DIPK2B: variants seen among roughly 807,000 people sequenced by gnomAD.
DIPK2B encodes the protein divergent protein kinase domain 2B, also known as UPF0672 protein CXorf36.
A neutral mutation model predicts 22.2 loss-of-function variants in DIPK2B; 15 were observed. The observed-to-expected ratio is 0.68, with a 90% CI of 0.45 to 1.04. The LOEUF is 1.04. DIPK2B is among the 50% of genes least tolerant of loss of function. DIPK2B has a pLI of 0.00. For missense variants in DIPK2B, 345 were observed against 348.3 expected (o/e 0.99, Z 0.08); for synonymous variants, 163 against 153.2 (o/e 1.06, Z -0.47).
intron 2 of DIPK2B, among the ~76,000 whole-genome samples, chrX:45,169,079 T>C (rs2047065401): frequency 8.9e-6 from 1 of 111,826 alleles, no homozygotes; most frequent in Admixed American, 9.5e-5. Flanking sequence ...AGGACTCATG[T>C]TCTGAGCCAG....
At position 45,153,934 on chromosome X, in the gene DIPK2B, C is replaced by G; in HGVS notation, c.937G>C (p.Val313Leu). The change falls in exon 4 of 5, where the codon GTG (valine) becomes CTG (leucine). Residue 313 changes from valine to leucine, a missense_variant. Physicochemically the swap from Val to Leu is conservative, Grantham distance 32. Coordinates refer to ENST00000398000, the MANE Select transcript of DIPK2B (RefSeq NM_176819.4). ...GHLFIRDASA[V>L]GVIDKQEGSQ... is the part of the protein sequence containing the mutation. Reference sequence around the variant, plus strand: ...CCTTCCTGCTTGTCGATGACGCCCACTGCACTGGCATCCCGGATGAACAGA... The same window carrying G: ...CCTTCCTGCTTGTCGATGACGCCCAGTGCACTGGCATCCCGGATGAACAGA... 3 of 1,210,587 alleles carry G rather than the reference C, an allele frequency of 2.5e-6. No homozygotes were observed. The highest frequency in any genetic ancestry group is 3.4e-6 in the Non-Finnish European group (3 of 894,911).
intron 2 of DIPK2B, among the ~76,000 whole-genome samples, chrX:45,180,076 A>AC (rs2047141470): frequency 1.8e-5 from 2 of 111,606 alleles, no homozygotes; most frequent in South Asian, 7.4e-4. Context: ...TGATGGAATA[A>AC]CTCAGTGTTG....
intron 2 of DIPK2B, among the ~76,000 whole-genome samples, chrX:45,166,258 C>T (rs1015423442): frequency 2.7e-5 from 3 of 111,324 alleles, no homozygotes; most frequent in African/African-American, 9.8e-5. Flanking sequence ...AGGGCTGCTT[C>T]GGGTCTTAAA....
Position 45,154,069 on chromosome X carries a change from C to T in DIPK2B, c.802G>A (p.Ala268Thr). Residue 268 changes from alanine (A) to threonine (T), a missense_variant, in exon 4 of 5, where the codon GCC becomes ACC. By Grantham distance (58) the Ala-to-Thr change is moderately conservative. Transcript: ENST00000398000. ...DAPPDQAADL[A>T]YQLLGVLESL... ...TCCAGGACACCCAGGAGCTGGTAGG[C>T]AAGGTCGGCTGCCTGATCTGGGGGT... 3.3e-6 allele frequency: 4 copies of T among 1,211,394 alleles called. No individual in the cohort carries two copies. The highest frequency in any genetic ancestry group is 4.5e-6 in the Non-Finnish European group (4 of 895,417).
chrX:45,151,934 G>A lies in DIPK2B; in HGVS notation c.1020C>T (p.Ser340=), dbSNP rs752948825. Residue 340 remains serine, a synonymous_variant, in exon 5 of 5, where the codon TCC becomes TCT. Coordinates refer to ENST00000398000, the MANE Select transcript of DIPK2B (RefSeq NM_176819.4). ...AGGAGGGCAGCTGGGCCTGGCAGCC[G>A]GAAACCAGGCAGCTAAAAATGTCTT... is the stretch of plus-strand genomic sequence containing the variant. ...ENKDIFSCLV[S]GCQAQLPSCE... is the part of the protein sequence containing the mutation. The A allele has an allele frequency of 4.3e-5, 51 of 1,199,147 alleles. No homozygotes were observed. Among genetic ancestry groups the A allele is most frequent in the Middle Eastern group, 4.6e-4 (2 of 4,360 alleles).
chrX:45,192,096 T>C (rs2047214820), intron 1 of DIPK2B, 81 bp from the exon 2 acceptor site: 1 of 941,833 alleles, frequency 1.1e-6, no homozygotes, highest in Non-Finnish European at 1.4e-6. Flanking sequence ...CAGGGGACAA[T>C]AGCCCAACTG....
chrX:45,181,921 A>G (rs1163889552), intron 2 of DIPK2B, among the ~76,000 whole-genome samples: 3 of 111,220 alleles, frequency 2.7e-5, no homozygotes, highest in Non-Finnish European at 5.7e-5. Context: ...GTCTCTACAA[A>G]AAAATAAAAG....
chrX:45,191,722 C>T (rs760485757), intron 2 of DIPK2B, 29 bp downstream of exon 2: 8 of 1,193,348 alleles, frequency 6.7e-6, no homozygotes, highest in Non-Finnish European at 9.0e-6. Flanking sequence ...ATCCCCTTCA[C>T]ACCCCCTTCC....
chrX:45,176,362 G>T (rs776841762), intron 2 of DIPK2B, among the ~76,000 whole-genome samples: 1 of 111,866 alleles, frequency 8.9e-6, no homozygotes, highest in Non-Finnish European at 1.9e-5. Context: ...AGGATGAAAA[G>T]AAAGCATCAA....
chrX:45,149,518 A>G lies in DIPK2B; in HGVS notation c.*2134T>C, dbSNP rs1353085699. The G allele has an allele frequency of 1.8e-5, 2 of 113,248 alleles. No homozygotes were observed. Among genetic ancestry groups the G allele is most frequent in the African/African-American group, 6.4e-5 (2 of 31,043 alleles). The allele number at this position is 113,248 out of a possible 1,213,427, so 9.3% of individuals were successfully genotyped here. On this transcript the variant is annotated 3_prime_UTR_variant, in exon 5 of 5. Coordinates refer to ENST00000398000, the MANE Select transcript of DIPK2B (RefSeq NM_176819.4). ...AATGCCCGTAGCAGTCAAGAGACAAACCCAAAAGGGAACTAGGTACTCCAC... is the reference window on the plus strand; with the variant it reads ...AATGCCCGTAGCAGTCAAGAGACAAGCCCAAAAGGGAACTAGGTACTCCAC...
At chrX:45,188,079 C>T (rs934595209) in intron 2 of DIPK2B, among the ~76,000 whole-genome samples, 9 of 111,874 alleles carry the variant, frequency 8.0e-5, no homozygotes, top group African/African-American at 2.6e-4. Flanking sequence ...AATCTCCCAA[C>T]CACGCATCCT....
intron 2 of DIPK2B, among the ~76,000 whole-genome samples, chrX:45,166,679 A>C (rs925467678): frequency 8.9e-6 from 1 of 112,172 alleles, no homozygotes; most frequent in African/African-American, 3.2e-5. Context: ...CAAAAGACAA[A>C]GATTTGCCAC....
chrX:45,182,144 A>C (rs1436863275), intron 2 of DIPK2B, among the ~76,000 whole-genome samples: 3 of 111,079 alleles, frequency 2.7e-5, no homozygotes, highest in Non-Finnish European at 5.7e-5. Context: ...TATTTGTAAT[A>C]CACAGCTCAC....
In DIPK2B at chrX:45,191,883, G is replaced by A. The variant is rs779902848; in HGVS notation, c.366C>T (p.Asn122=). The A allele has an allele frequency of 9.3e-5, 112 of 1,210,493 alleles. No homozygotes were observed. The highest frequency in any genetic ancestry group is 1.2e-4 in the Non-Finnish European group (105 of 895,350). The change falls in exon 2 of 5, where the codon AAC becomes AAT. Residue 122 remains asparagine (N), a synonymous_variant. Coordinates refer to ENST00000398000, the MANE Select transcript of DIPK2B (RefSeq NM_176819.4). ...EIFRLVSKYQ[N]EISDRRICAS... is the part of the protein sequence containing the mutation. ...CACAGATTCTCCTGTCTGAGATCTC[G>A]TTTTGATATTTGCTGACCAGTCTAA... is the stretch of plus-strand genomic sequence containing the variant.
rs908405474 is a variant in DIPK2B, at chrX:45,154,105, A to C, written c.766T>G (p.Phe256Val). 2 of 1,208,803 alleles carry C rather than the reference A, an allele frequency of 1.7e-6. No homozygotes were observed. The highest frequency in any genetic ancestry group is 3.5e-5 in the African/African-American group (2 of 56,752). ...VSTSTRPLQE[F>V]YDAPPDQAAD... Reference sequence around the variant, plus strand: ...GCCTGATCTGGGGGTGCATCATAGAATTCCTGCAGCGGTCTGGTGCTGGTG... The same window carrying C: ...GCCTGATCTGGGGGTGCATCATAGACTTCCTGCAGCGGTCTGGTGCTGGTG... Residue 256 changes from phenylalanine to valine, a missense_variant, in exon 4 of 5, where the codon TTC becomes GTC. Coordinates refer to ENST00000398000, the MANE Select transcript of DIPK2B (RefSeq NM_176819.4).
Position 45,151,580 on chromosome X carries a change from C to T in DIPK2B, c.*72G>A, listed in dbSNP as rs1230677849. ...TTTAAAAAAGAGCTGCTTCTTTCTACCTTGCAGCAACCCGACTGGGAGAAT... is the reference window on the plus strand; with the variant it reads ...TTTAAAAAAGAGCTGCTTCTTTCTATCTTGCAGCAACCCGACTGGGAGAAT... On this transcript the variant is annotated 3_prime_UTR_variant, in exon 5 of 5. Coordinates refer to ENST00000398000, the MANE Select transcript of DIPK2B (RefSeq NM_176819.4). 9.9e-7 allele frequency: 1 copy of T among 1,011,507 alleles called. No individual in the cohort carries two copies. The highest frequency in any genetic ancestry group is 1.9e-5 in the African/African-American group (1 of 52,231). The allele number at this position is 1,011,507 out of a possible 1,213,427, so 83.4% of individuals were successfully genotyped here.
intron 2 of DIPK2B, among the ~76,000 whole-genome samples, chrX:45,164,529 T>C (rs1442953559): frequency 9.0e-6 from 1 of 111,368 alleles, no homozygotes; most frequent in Non-Finnish European, 1.9e-5. Context: ...ACAACACATG[T>C]TCTCACTCAT....
chrX:45,173,594 CTT>C (rs373182494), intron 2 of DIPK2B, among the ~76,000 whole-genome samples: 4 of 80,313 alleles, frequency 5.0e-5, no homozygotes, highest in African/African-American at 4.3e-5. Flanking sequence ...CTCTTTCTTT[CTT>C]TTTTTTTTTG....
At chrX:45,176,773 T>C (rs373382408) in intron 2 of DIPK2B, among the ~76,000 whole-genome samples, 1 of 111,871 alleles carries the variant, frequency 8.9e-6, no homozygotes, top group South Asian at 3.8e-4. Context: ...TCACCCTTTG[T>C]TCTCCTGAGC....
Sources: allele counts gnomAD v4.1 joint callset (sites outside exome capture counted in the v4.1 genomes callset), GRCh38; gene constraint gnomAD v4.1.1; transcripts MANE v1.5; gene names NCBI Gene and HGNC (gene_info 2026-07-23, HGNC 2026-07-21).